Variants in GALNT10 observed in about 807,000 individuals in gnomAD.
GALNT10 encodes the protein GalNAc transferase 10.
In GALNT10, 41 loss-of-function variants were observed where a neutral mutation model predicts 75.0. The observed-to-expected ratio is 0.55, with a 90% confidence interval of 0.43 to 0.71. The LOEUF is 0.71. Among genes scored for constraint, GALNT10 ranks in the 30% least tolerant of loss-of-function variants. The probability of loss-of-function intolerance (pLI) is 0.00; values close to 1 mark genes in which losing one functional copy is unlikely to be tolerated. For synonymous variants in GALNT10, 302 were observed against 313.0 expected (o/e 0.96, Z 0.37); for missense variants, 727 against 818.5 (o/e 0.89, Z 1.36).
intron 3 of GALNT10, among the ~76,000 whole-genome samples, chr5:154,319,872 C>T (rs796321102): frequency 7.9e-5 from 12 of 152,256 alleles, no homozygotes; most frequent in African/African-American, 2.2e-4. Flanking sequence ...GTGTGAGTGG[C>T]GGCTTTCTAT....
intron 3 of GALNT10, among the ~76,000 whole-genome samples, chr5:154,307,018 AAAG>A (rs1754444619): frequency 6.6e-6 from 1 of 152,218 alleles, no homozygotes; most frequent in South Asian, 2.1e-4. Context: ...AAAAAGAGAA[AAAG>A]AAGACAAAAA....
At chr5:154,297,247 C>T (rs1754290258) in intron 2 of GALNT10, among the ~76,000 whole-genome samples, 1 of 152,148 alleles carries the variant, frequency 6.6e-6, no homozygotes, top group Non-Finnish European at 1.5e-5. Flanking sequence ...CACCCAAATC[C>T]ATGACTCAAA....
chr5:154,320,017 G>A (rs1192982669), intron 3 of GALNT10, among the ~76,000 whole-genome samples: 2 of 152,188 alleles, frequency 1.3e-5, no homozygotes, highest in Non-Finnish European at 2.9e-5. Flanking sequence ...CAGGTACCCT[G>A]CTGGATACTG....
At chr5:154,192,208 T>C (rs1774869284) in intron 1 of GALNT10, among the ~76,000 whole-genome samples, 1 of 152,236 alleles carries the variant, frequency 6.6e-6, no homozygotes, top group African/African-American at 2.4e-5. Flanking sequence ...GTCTAGGCAG[T>C]CTGGCATCTG....
intron 4 of GALNT10, among the ~76,000 whole-genome samples, chr5:154,348,377 G>A (rs153417): frequency 0.64 from 96,735 of 152,016 alleles, 31,339 homozygotes; most frequent in Admixed American, 0.74. Context: ...TCCAAGTCGC[G>A]CTATTCATAC....
At chr5:154,240,787 G>A (rs1459413566) in intron 1 of GALNT10, among the ~76,000 whole-genome samples, 1 of 152,180 alleles carries the variant, frequency 6.6e-6, no homozygotes, top group East Asian at 1.9e-4. Context: ...AAACCAATGA[G>A]AAGGTGCTAT....
chr5:154,285,781 T>C (rs1032296307), intron 1 of GALNT10, among the ~76,000 whole-genome samples: 1 of 152,034 alleles, frequency 6.6e-6, no homozygotes. Flanking sequence ...TATCACCTCC[T>C]TATAGAAAAC....
intron 3 of GALNT10, among the ~76,000 whole-genome samples, chr5:154,325,751 C>T (rs1410060289): frequency 1.3e-5 from 2 of 152,012 alleles, no homozygotes; most frequent in Non-Finnish European, 2.9e-5. Context: ...GTGAAAAACC[C>T]ACACTAACAT....
At chr5:154,238,546 G>A (rs1753283375) in intron 1 of GALNT10, among the ~76,000 whole-genome samples, 1 of 152,042 alleles carries the variant, frequency 6.6e-6, no homozygotes, top group South Asian at 2.1e-4. Context: ...CTTTACCCTG[G>A]TCATTATTAG....
intron 1 of GALNT10, among the ~76,000 whole-genome samples, chr5:154,256,617 T>G (rs574103577): frequency 6.6e-6 from 1 of 151,922 alleles, no homozygotes; most frequent in Non-Finnish European, 1.5e-5. Flanking sequence ...ATATTAGGAG[T>G]AGGCAATTCT....
intron 1 of GALNT10, among the ~76,000 whole-genome samples, chr5:154,225,901 A>G (rs1035564262): frequency 6.6e-6 from 1 of 151,720 alleles, no homozygotes; most frequent in African/African-American, 2.4e-5. Context: ...TTAACATGCC[A>G]TTGTTTTCAC....
At chr5:154,233,703 G>A (rs561415561) in intron 1 of GALNT10, among the ~76,000 whole-genome samples, 33 of 152,230 alleles carry the variant, frequency 2.2e-4, no homozygotes, top group African/African-American at 7.5e-4. Context: ...CATGGTTGTC[G>A]AGTGGCTGCC....
intron 3 of GALNT10, among the ~76,000 whole-genome samples, chr5:154,325,026 T>C (rs1169247334): frequency 6.6e-6 from 1 of 152,158 alleles, no homozygotes; most frequent in Non-Finnish European, 1.5e-5. Flanking sequence ...GATTACTTGG[T>C]TTTTGGATTT....
At chr5:154,394,683 G>A (rs933371827) in intron 7 of GALNT10, among the ~76,000 whole-genome samples, 1 of 152,180 alleles carries the variant, frequency 6.6e-6, no homozygotes. Context: ...AGGGAGAAAT[G>A]ATTGCCAAAG....
At position 154,353,810 on chromosome 5, in the gene GALNT10, G is replaced by A. The variant is rs568359162; in HGVS notation, c.569-22467G>A. Among the ~76,000 whole-genome samples the A allele has an allele frequency of 3.3e-5, 5 of 152,280 alleles. No individual in the cohort carries two copies. The South Asian group carries it at 1.0e-3, about 32-fold the overall frequency. ...CAAACTCAAGAGTCCCCTCCTCTGT[G>A]ATGCCTTCCCCATCTCTTGTCCTCA... On this transcript the variant is annotated intron_variant, in intron 4 of 11. Coordinates refer to ENST00000297107, the MANE Select transcript of GALNT10 (RefSeq NM_198321.4).
intron 1 of GALNT10, among the ~76,000 whole-genome samples, chr5:154,242,678 CCCT>C (rs1402395357): frequency 3.9e-5 from 6 of 152,178 alleles, no homozygotes; most frequent in Admixed American, 1.3e-4. Flanking sequence ...GCACTCAGAG[CCCT>C]CCTCTGTGTG....
intron 4 of GALNT10, chr5:154,337,395 G>T: frequency 1.7e-6 from 1 of 583,554 alleles, no homozygotes; most frequent in Admixed American, 2.3e-5. Flanking sequence ...TCACAAATCT[G>T]ATATAACCTG....
intron 9 of GALNT10, among the ~76,000 whole-genome samples, chr5:154,411,236 A>G (rs540592653): frequency 7.6e-4 from 116 of 152,328 alleles, no homozygotes; most frequent in African/African-American, 2.6e-3. Flanking sequence ...CAGGGCTTCA[A>G]ATGATGTCAG....
intron 1 of GALNT10, among the ~76,000 whole-genome samples, chr5:154,242,821 G>A (rs1219769008): frequency 6.6e-6 from 1 of 152,102 alleles, no homozygotes; most frequent in Non-Finnish European, 1.5e-5. Context: ...CTTTTCATTG[G>A]TCTCCTTGGA....
Sources: gnomAD v4.1 joint callset for allele counts (sites outside exome capture counted in the v4.1 genomes callset) on GRCh38, gnomAD v4.1.1 for gene constraint, MANE v1.5 for transcripts, NCBI Gene and HGNC (gene_info 2026-07-23, HGNC 2026-07-21) for gene names.